The following MKLN1 variants were observed in gnomAD, a reference collection of about 807,000 sequenced individuals.
MKLN1 encodes the protein muskelin.
In MKLN1, 18 loss-of-function variants were observed where a neutral mutation model predicts 99.0. That is an observed-to-expected ratio of 0.18 (90% CI 0.13 to 0.27). MKLN1 has a LOEUF of 0.27. Among genes scored for constraint, MKLN1 ranks in the 10% least tolerant of loss-of-function variants. The pLI is 1.00. For missense variants in MKLN1, 621 were observed against 875.9 expected, an observed-to-expected ratio of 0.71 and a Z score of 3.67; for synonymous variants, 288 against 293.2, an observed-to-expected ratio of 0.98 and a Z score of 0.18.
intron 2 of MKLN1, among the ~76,000 whole-genome samples, chr7:131,377,586 AAAG>A (rs1173891008): frequency 6.6e-6 from 1 of 152,132 alleles, no homozygotes; most frequent in African/African-American, 2.4e-5. Flanking sequence ...TTTTCTGAAA[AAAG>A]GAAAATTCAG....
At chr7:131,205,892 CTT>C (rs35341245) in intron 3 of MKLN1, among the ~76,000 whole-genome samples, 25 of 137,528 alleles carry the variant, frequency 1.8e-4, no homozygotes, top group South Asian at 7.0e-4. Context: ...CTGAGAAAAA[CTT>C]TTTTTTTTTT....
chr7:131,333,449 G>A (rs577982557), intron 1 of MKLN1, among the ~76,000 whole-genome samples: 74 of 152,228 alleles, frequency 4.9e-4, no homozygotes, highest in Admixed American at 2.7e-3. Context: ...CGTGTTATTA[G>A]ACATTTAGGC....
At chr7:131,468,618 C>T (rs765540785) in intron 15 of MKLN1, among the ~76,000 whole-genome samples, 21 of 152,068 alleles carry the variant, frequency 1.4e-4, no homozygotes, top group Non-Finnish European at 2.6e-4. Context: ...TTTTTTCATA[C>T]GACATTCAGG....
At chr7:131,306,379 T>C (rs1288300249) in intron 3 of MKLN1, among the ~76,000 whole-genome samples, 1 of 152,206 alleles carries the variant, frequency 6.6e-6, no homozygotes, top group Non-Finnish European at 1.5e-5. Context: ...CTCAGAAGAA[T>C]ACAGGAAGAT....
At chr7:131,446,005 AT>A (rs773080348) in intron 12 of MKLN1, 102 bp downstream of exon 12, 7 of 721,538 alleles carry the variant, frequency 9.7e-6, no homozygotes, top group Non-Finnish European at 1.0e-5. Context: ...CCCTTTCTTT[AT>A]TTCTTTAATT....
intron 7 of MKLN1, 85 bp from the exon 8 acceptor site, chr7:131,414,560 A>G: frequency 1.1e-6 from 1 of 881,414 alleles, no homozygotes; most frequent in Non-Finnish European, 1.7e-6. Flanking sequence ...TATTTTTACT[A>G]CTGATTACAG....
At chr7:131,418,369 C>CAAAAA (rs943898750) in intron 8 of MKLN1, among the ~76,000 whole-genome samples, 9 of 54,746 alleles carry the variant, frequency 1.6e-4, no homozygotes, top group Non-Finnish European at 3.2e-4. Flanking sequence ...GACTTCGTCT[C>CAAAAA]AAAAAAAAAA....
At chr7:131,142,172 G>A (rs991615732) in intron 1 of MKLN1, among the ~76,000 whole-genome samples, 4 of 151,972 alleles carry the variant, frequency 2.6e-5, no homozygotes, top group South Asian at 2.1e-4. Context: ...CTGGGAGGTC[G>A]AGGTGGGCAG....
At chr7:131,199,835 A>G (rs1027526876) in intron 2 of MKLN1, among the ~76,000 whole-genome samples, 6 of 152,178 alleles carry the variant, frequency 3.9e-5, no homozygotes, top group Non-Finnish European at 7.4e-5. Flanking sequence ...CTGGGACTAC[A>G]GGTGCGTGCC....
chr7:131,178,048 A>G (rs1796325028), intron 2 of MKLN1, among the ~76,000 whole-genome samples: 1 of 152,198 alleles, frequency 6.6e-6, no homozygotes. Flanking sequence ...GAGGAAAAAG[A>G]GTAAAAATGA....
At chr7:131,226,978 T>C (rs1013088334) in intron 3 of MKLN1, among the ~76,000 whole-genome samples, 1 of 152,242 alleles carries the variant, frequency 6.6e-6, no homozygotes, top group South Asian at 2.1e-4. Flanking sequence ...AGGATTTGAT[T>C]GGATCTTTGC....
rs950478310 is a variant in MKLN1 at position 131,405,735 on chromosome 7, G to A, written c.704-5571G>A. ...ACAAATTTGTGGCGATTTACTACTT[G>A]TTTTCTTTGTTAGTGATTTCTGGCA... is the stretch of plus-strand genomic sequence containing the variant. On this transcript the variant is annotated intron_variant, in intron 6 of 17. Coordinates refer to ENST00000352689, the MANE Select transcript of MKLN1 (RefSeq NM_013255.5). 1.8e-4 allele frequency among the ~76,000 whole-genome samples: 27 copies of A among 152,028 alleles called. 1 individual carries two copies. Among genetic ancestry groups the A allele is most frequent in the African/African-American group, 6.5e-4 (27 of 41,416 alleles).
chr7:131,350,561 G>A (rs1388926090), intron 1 of MKLN1, among the ~76,000 whole-genome samples: 1 of 152,182 alleles, frequency 6.6e-6, no homozygotes, highest in African/African-American at 2.4e-5. Context: ...CTGCCTCTAA[G>A]CTTATTTGAT....
chr7:131,132,626 A>G (rs2116229850), intron 1 of MKLN1, among the ~76,000 whole-genome samples: 1 of 152,266 alleles, frequency 6.6e-6, no homozygotes, highest in East Asian at 1.9e-4. Context: ...ATTTGGGCCA[A>G]TAAATGAAAA....
intron 3 of MKLN1, among the ~76,000 whole-genome samples, chr7:131,223,032 C>T (rs1360358092): frequency 6.6e-6 from 1 of 151,768 alleles, no homozygotes; most frequent in East Asian, 1.9e-4. Context: ...AAGACTCTGT[C>T]TCAGAAAAAA....
chr7:131,250,432 G>A lies in MKLN1; in HGVS notation c.-179+47458G>A, dbSNP rs1257711350. 2.6e-5 allele frequency among the ~76,000 whole-genome samples: 4 copies of A among 152,300 alleles called. No homozygotes were observed. The East Asian group carries it at 5.8e-4, about 22-fold the overall frequency. ...AGAGAGGAAGAGGCTCCTAACACAT[G>A]GCCTGGCTTGTTAAGACTGAATCTT... On this transcript the variant is annotated intron_variant, in intron 3 of 7. Transcript: ENST00000416992.
chr7:131,132,695 C>T (rs751435815), intron 1 of MKLN1, among the ~76,000 whole-genome samples: 2 of 151,694 alleles, frequency 1.3e-5, no homozygotes, highest in South Asian at 4.2e-4. Flanking sequence ...AGGCCGAGGC[C>T]GGTGGATCAC....
At chr7:131,178,159 C>T (rs560342124) in intron 2 of MKLN1, among the ~76,000 whole-genome samples, 4 of 152,116 alleles carry the variant, frequency 2.6e-5, no homozygotes, top group Non-Finnish European at 5.9e-5. Flanking sequence ...TTTTGTCACC[C>T]AGGCTGAAGT....
Position 131,415,522 on chromosome 7 carries a change from A to G in MKLN1, c.847+812A>G, listed in dbSNP as rs1794994125. Among the ~76,000 whole-genome samples the G allele has an allele frequency of 2.6e-5, 4 of 152,180 alleles. No individual in the cohort carries two copies. The South Asian group carries it at 6.2e-4, about 24-fold the overall frequency. ...TTTCATAATTTTTGTAAGAAGAGAA[A>G]TTATAATTTTTAATTTAAAATTAAA... On this transcript the variant is annotated intron_variant, in intron 8 of 17. Coordinates refer to ENST00000352689, the MANE Select transcript of MKLN1 (RefSeq NM_013255.5).
Sources: gnomAD v4.1 joint callset for allele counts (sites outside exome capture counted in the v4.1 genomes callset) on GRCh38, gnomAD v4.1.1 for gene constraint, MANE v1.5 for transcripts, NCBI Gene and HGNC (gene_info 2026-07-23, HGNC 2026-07-21) for gene names.